The following HPSE2 variants were observed in gnomAD, a reference collection of about 807,000 sequenced individuals.
HPSE2 encodes the protein inactive heparanase-2.
Under a neutral mutation model 60.5 loss-of-function variants are expected in HPSE2, and 38 were observed. The ratio of observed to expected loss-of-function variants is 0.63; its 90% confidence interval spans 0.48 to 0.82. HPSE2 has a LOEUF of 0.82. Among genes scored for constraint, HPSE2 ranks in the 40% least tolerant of loss-of-function variants. The pLI is 0.00. For missense variants in HPSE2, 713 were observed against 740.4 expected (o/e 0.96, Z 0.43); for synonymous variants, 295 against 293.2 (o/e 1.01, Z -0.06).
intron 6 of HPSE2, among the ~76,000 whole-genome samples, chr10:98,681,821 T>C (rs754144507): frequency 6.6e-6 from 1 of 152,206 alleles, no homozygotes; most frequent in African/African-American, 2.4e-5. Context: ...ATTGTTCTGG[T>C]TTTGGAAAAT....
At chr10:99,162,662 T>C (rs1218957235) in intron 2 of HPSE2, among the ~76,000 whole-genome samples, 1 of 152,178 alleles carries the variant, frequency 6.6e-6, no homozygotes, top group Non-Finnish European at 1.5e-5. Context: ...CTATTCTCCC[T>C]CCAAATAACT....
chr10:98,893,841 A>G (rs935788813), intron 3 of HPSE2, among the ~76,000 whole-genome samples: 2 of 152,008 alleles, frequency 1.3e-5, no homozygotes, highest in Admixed American at 6.6e-5. Context: ...AAGAAGTCAG[A>G]CAGAGGATCC....
intron 3 of HPSE2, among the ~76,000 whole-genome samples, chr10:98,855,497 C>T (rs530592955): frequency 1.7e-4 from 26 of 152,146 alleles, no homozygotes; most frequent in African/African-American, 6.3e-4. Flanking sequence ...TACAAAAGCT[C>T]CATGCTCCTA....
At chr10:99,097,945 T>C (rs1564804043) in intron 3 of HPSE2, among the ~76,000 whole-genome samples, 1 of 152,224 alleles carries the variant, frequency 6.6e-6, no homozygotes, top group Non-Finnish European at 1.5e-5. Context: ...GTCAAGACTC[T>C]GATGTGGCTA....
intron 2 of HPSE2, among the ~76,000 whole-genome samples, chr10:99,151,632 G>A (rs774616001): frequency 6.6e-6 from 1 of 151,976 alleles, no homozygotes; most frequent in Non-Finnish European, 1.5e-5. Context: ...ATCCATAAAG[G>A]GAACAAGTAA....
the HPSE2 span, among the ~76,000 whole-genome samples, chr10:99,249,419 C>A: frequency 6.6e-6 from 1 of 152,212 alleles, no homozygotes; most frequent in African/African-American, 2.4e-5. Context: ...ATAGGGCCTG[C>A]AGCCCCTCTC....
At chr10:98,916,683 C>T (rs537654569) in intron 3 of HPSE2, among the ~76,000 whole-genome samples, 1 of 152,252 alleles carries the variant, frequency 6.6e-6, no homozygotes, top group East Asian at 1.9e-4. Flanking sequence ...TTCCAAAGAA[C>T]ATAACAAACT....
intron 9 of HPSE2, among the ~76,000 whole-genome samples, chr10:98,613,366 G>A (rs1319604066): frequency 6.6e-6 from 1 of 152,168 alleles, no homozygotes; most frequent in African/African-American, 2.4e-5. Flanking sequence ...TCCCACACAT[G>A]TATCTTGGGA....
At chr10:98,614,283 C>G (rs1382768149) in intron 9 of HPSE2, among the ~76,000 whole-genome samples, 3 of 144,634 alleles carry the variant, frequency 2.1e-5, no homozygotes, top group Non-Finnish European at 1.5e-5. Flanking sequence ...CTCAACTGCA[C>G]AAGGATTGTT....
intron 3 of HPSE2, among the ~76,000 whole-genome samples, chr10:98,791,348 T>G (rs998138698): frequency 2.0e-5 from 3 of 152,180 alleles, no homozygotes; most frequent in African/African-American, 7.2e-5. Context: ...CTGATGAGTT[T>G]CAAGAAAATG....
At chr10:98,716,998 C>T (rs1238155854) in intron 5 of HPSE2, among the ~76,000 whole-genome samples, 1 of 152,076 alleles carries the variant, frequency 6.6e-6, no homozygotes, top group Admixed American at 6.6e-5. Flanking sequence ...GATGTCTCAT[C>T]CATATTGAAA....
intron 7 of HPSE2, among the ~76,000 whole-genome samples, chr10:98,633,500 G>A (rs1382435019): frequency 6.6e-6 from 1 of 152,066 alleles, no homozygotes; most frequent in African/African-American, 2.4e-5. Flanking sequence ...GGTGTGAGCT[G>A]CCACGCCCAG....
chr10:98,470,613 G>T (rs1925640), intron 11 of HPSE2, among the ~76,000 whole-genome samples: 1 of 152,044 alleles, frequency 6.6e-6, no homozygotes, highest in African/African-American at 2.4e-5. Context: ...AGAAGAAGAC[G>T]AGGGCCATTT....
intron 3 of HPSE2, among the ~76,000 whole-genome samples, chr10:98,887,208 C>A (rs1472805379): frequency 3.3e-5 from 5 of 152,088 alleles, no homozygotes; most frequent in Admixed American, 2.0e-4. Flanking sequence ...ATAATATCAA[C>A]TTTAATACTG....
At chr10:99,043,016 G>C (rs549559446) in intron 3 of HPSE2, among the ~76,000 whole-genome samples, 18 of 152,234 alleles carry the variant, frequency 1.2e-4, no homozygotes, top group African/African-American at 4.1e-4. Context: ...ACAGAGCCTT[G>C]ACCCACTAAA....
the HPSE2 span, among the ~76,000 whole-genome samples, chr10:99,304,666 T>C: frequency 1.3e-5 from 2 of 152,328 alleles, no homozygotes; most frequent in East Asian, 3.9e-4. Flanking sequence ...TCATAGGTGA[T>C]GTAAGGGTCT....
At chr10:98,748,007 A>T (rs889403792) in intron 3 of HPSE2, among the ~76,000 whole-genome samples, 1 of 152,162 alleles carries the variant, frequency 6.6e-6, no homozygotes, top group East Asian at 1.9e-4. Flanking sequence ...GTCTAAAATA[A>T]TTATTGCTAG....
intron 3 of HPSE2, among the ~76,000 whole-genome samples, chr10:98,750,927 G>A (rs1322576944): frequency 6.6e-6 from 1 of 152,126 alleles, no homozygotes. Context: ...GGGAGAGATA[G>A]AGAACCTTTT....
intron 9 of HPSE2, among the ~76,000 whole-genome samples, chr10:98,571,503 A>C (rs1403854177): frequency 6.6e-6 from 1 of 152,202 alleles, no homozygotes; most frequent in African/African-American, 2.4e-5. Context: ...ATTTATCTTG[A>C]TGTAATTGGC....
Sources: allele counts gnomAD v4.1 joint callset (sites outside exome capture counted in the v4.1 genomes callset), GRCh38; gene constraint gnomAD v4.1.1; transcripts MANE v1.5; gene names NCBI Gene and HGNC (gene_info 2026-07-23, HGNC 2026-07-21).